The following URB1 variants were observed in gnomAD, a reference collection of about 807,000 sequenced individuals.
URB1 encodes nucleolar pre-ribosomal-associated protein 1.
Under a neutral mutation model 242.3 loss-of-function variants are expected in URB1, and 197 were observed. The ratio of observed to expected loss-of-function variants is 0.81; its 90% CI spans 0.72 to 0.91. The LOEUF is 0.91. Ranked by LOEUF, URB1 falls within the 40% of genes least tolerant of loss-of-function variation. URB1 has a pLI of 0.00. For missense variants in URB1, 2,721 were observed against 2,860.5 expected, an observed-to-expected ratio of 0.95 and a Z score of 1.11; for synonymous variants, 1,153 against 1,201.8, an observed-to-expected ratio of 0.96 and a Z score of 0.84.
At position 32,314,561 on chromosome 21, in the gene URB1, G is replaced by T; in HGVS notation, c.*357C>A. ...CTTTTGACATTTCAGCTTTAACACA[G>T]ATGAATCTCTTCTGCATTCAGAAGT... On this transcript the variant is annotated 3_prime_UTR_variant, in exon 39 of 39. Coordinates refer to ENST00000382751, the MANE Select transcript of URB1 (RefSeq NM_014825.3). 3.7e-6 allele frequency: 6 copies of T among 1,613,988 alleles called. No homozygotes were observed. Among genetic ancestry groups the T allele is most frequent in the Non-Finnish European group, 5.1e-6 (6 of 1,179,840 alleles).
At chr21:32,365,082 G>A (rs1183501200) in intron 10 of URB1, among the ~76,000 whole-genome samples, 3 of 152,250 alleles carry the variant, frequency 2.0e-5, no homozygotes, top group South Asian at 2.1e-4. Flanking sequence ...GAGAGGAGGA[G>A]GAGACAGGCT....
Position 32,344,626 on chromosome 21 carries a change from C to G in URB1, c.4201G>C (p.Asp1401His). ...IVSFSGGQQD[D>H]DNTQNQEKEM... The stretch of plus-strand genomic sequence containing the variant: ...TTCTCCTGATTCTGAGTATTATCAT[C>G]ATCTTGCTGTCCACCACTGAAAGAC... The change falls in exon 24 of 39, where the codon GAT becomes CAT. Residue 1401 changes from aspartate to histidine, a missense_variant. Physicochemically the swap from Asp to His is moderately conservative, Grantham distance 81. Coordinates refer to ENST00000382751, the MANE Select transcript of URB1 (RefSeq NM_014825.3). The G allele has an allele frequency of 9.0e-6, 14 of 1,552,378 alleles. No individual in the cohort carries two copies. Among genetic ancestry groups the G allele is most frequent in the African/African-American group, 1.4e-5 (1 of 73,164 alleles).
intron 11 of URB1, among the ~76,000 whole-genome samples, 162 bp from the exon 12 acceptor site, chr21:32,362,183 T>C (rs2033297254): frequency 6.6e-6 from 1 of 151,106 alleles, no homozygotes; most frequent in East Asian, 1.9e-4. Flanking sequence ...CAGGCCCAAA[T>C]CCACATAAGT....
At chr21:32,359,672 GAACTGTT>G (rs915279568) in intron 14 of URB1, 117 bp downstream of exon 14, 4 of 809,728 alleles carry the variant, frequency 4.9e-6, no homozygotes, top group African/African-American at 1.8e-5. Flanking sequence ...TCTAAAATGA[GAACTGTT>G]AACCTCTTCC....
At chr21:32,357,780 C>T in intron 14 of URB1, 124 bp from the exon 15 acceptor site, 1 of 808,008 alleles carries the variant, frequency 1.2e-6, no homozygotes, top group Non-Finnish European at 1.6e-6. Flanking sequence ...GTAATCTCAG[C>T]ACTTTGGGAG....
chr21:32,354,576 C>T (rs1425981440), intron 17 of URB1, among the ~76,000 whole-genome samples: 2 of 152,178 alleles, frequency 1.3e-5, no homozygotes, highest in African/African-American at 4.8e-5. Flanking sequence ...TAATAATACT[C>T]TTTTCTCTTG....
intron 5 of URB1, among the ~76,000 whole-genome samples, chr21:32,375,920 G>A (rs1255075336): frequency 6.6e-6 from 1 of 152,022 alleles, no homozygotes; most frequent in South Asian, 2.1e-4. Flanking sequence ...TCGCACCACT[G>A]CACTCCAGCC....
intron 32 of URB1, 47 bp downstream of exon 32, chr21:32,324,444 A>G: frequency 2.7e-6 from 4 of 1,463,816 alleles, no homozygotes; most frequent in Non-Finnish European, 1.9e-6. Context: ...AGACTTGCTC[A>G]GCTTCAGCTT....
chr21:32,391,138 G>A (rs1161600934), intron 1 of URB1, among the ~76,000 whole-genome samples: 1 of 148,382 alleles, frequency 6.7e-6, no homozygotes, highest in Non-Finnish European at 1.5e-5. Flanking sequence ...AACACCGCAT[G>A]TTCTCACTCA....
At chr21:32,331,557 T>G (rs928352533) in intron 30 of URB1, among the ~76,000 whole-genome samples, 3 of 152,220 alleles carry the variant, frequency 2.0e-5, no homozygotes, top group Non-Finnish European at 4.4e-5. Context: ...CTGGGTTGTC[T>G]TCTTGCCTCA....
chr21:32,392,632 C>CA, intron 1 of URB1, 137 bp downstream of exon 1: 2 of 1,196,120 alleles, frequency 1.7e-6, no homozygotes, highest in Non-Finnish European at 1.1e-6. Context: ...TCCTGAACCT[C>CA]AGTTTTCTGC....
chr21:32,321,699 T>C (rs974767956), intron 34 of URB1, 102 bp downstream of exon 34: 4 of 1,493,544 alleles, frequency 2.7e-6, no homozygotes, highest in South Asian at 2.6e-5. Context: ...GTCGGTCGTG[T>C]CCAGGCTGGG....
chr21:32,335,980 C>T (rs1271811860), intron 28 of URB1, among the ~76,000 whole-genome samples: 3 of 152,152 alleles, frequency 2.0e-5, no homozygotes, highest in Admixed American at 6.5e-5. Flanking sequence ...TGTTAGAGGT[C>T]GTTCTGCAGA....
rs1178353176 is a variant in URB1, at chr21:32,373,672, G to A, written c.851C>T (p.Thr284Ile). ...IASLYNWNGI[T>I]DVNPENVKVS... ...CTTGACATTTTCTGGGTTCACATCGGTAATCCCATTCCAGTTGTACAGCGA... is the reference window on the plus strand; with the variant it reads ...CTTGACATTTTCTGGGTTCACATCGATAATCCCATTCCAGTTGTACAGCGA... Residue 284 changes from threonine to isoleucine, a missense_variant, in exon 7 of 39, where the codon ACC becomes ATC. By Grantham distance (89) the Thr-to-Ile change is moderately conservative. Transcript: ENST00000382751. 1 of 1,542,248 alleles carries A rather than the reference G, an allele frequency of 6.5e-7. No individual in the cohort carries two copies. The highest frequency in any genetic ancestry group is 2.1e-5 in the Admixed American group (1 of 48,504).
intron 30 of URB1, among the ~76,000 whole-genome samples, chr21:32,326,576 G>GA (rs2032832067): frequency 6.6e-6 from 1 of 152,142 alleles, no homozygotes; most frequent in African/African-American, 2.4e-5. Context: ...TGGAGGTGGG[G>GA]ACTCCGGTGG....
In URB1 at chr21:32,316,741, C is replaced by A. The variant is rs2032692652; in HGVS notation, c.6359G>T (p.Gly2120Val). The A allele has an allele frequency of 6.4e-7, 1 of 1,551,208 alleles. No individual in the cohort carries two copies. The highest frequency in any genetic ancestry group is 2.0e-5 in the Admixed American group (1 of 50,982). Residue 2120 changes from glycine to valine, a missense_variant, in exon 38 of 39, where the codon GGA (glycine) becomes GTA (valine). By Grantham distance (109) the Gly-to-Val change is moderately radical. Coordinates refer to ENST00000382751, the MANE Select transcript of URB1 (RefSeq NM_014825.3). ...ATGGCTCTTAAGCCAGCCAATGAGT[C>A]CTGCAGCCTCTGCCCTGCTGAGCGG... ...EHPLSRAEAAGLIGWLKSHIL... is the reference protein window; with the variant it reads ...EHPLSRAEAAVLIGWLKSHIL...
chr21:32,329,486 C>A (rs1422664454), intron 30 of URB1, among the ~76,000 whole-genome samples: 2 of 152,178 alleles, frequency 1.3e-5, no homozygotes, highest in African/African-American at 4.8e-5. Context: ...GTTCTGGCTG[C>A]CTTGTGGCAT....
Position 32,314,744 on chromosome 21 carries a change from C to T in URB1, c.*174G>A. 6.9e-7 allele frequency: 1 copy of T among 1,452,532 alleles called. No homozygotes were observed. Among genetic ancestry groups the T allele is most frequent in the East Asian group, 2.3e-5 (1 of 42,924 alleles). The allele number at this position is 1,452,532 out of a possible 1,614,324, so 90.0% of individuals were successfully genotyped here. ...CCTACAGGCCCGAGTTTATCATTTA[C>T]TGGGCAGTTCAATAAAGTCCTCTCA... On this transcript the variant is annotated 3_prime_UTR_variant, in exon 39 of 39. Transcript: ENST00000382751.
intron 8 of URB1, among the ~76,000 whole-genome samples, chr21:32,370,180 T>C (rs28445301): frequency 0.15 from 22,805 of 151,872 alleles, 2,325 homozygotes; most frequent in African/African-American, 0.29. Flanking sequence ...TCAGACTCTG[T>C]CTCATGTGCA....
Sources: gnomAD v4.1 joint callset for allele counts (sites outside exome capture counted in the v4.1 genomes callset) on GRCh38, gnomAD v4.1.1 for gene constraint, MANE v1.5 for transcripts, NCBI Gene and HGNC (gene_info 2026-07-23, HGNC 2026-07-21) for gene names.